TTK: variants seen among roughly 807,000 people sequenced by gnomAD.
The protein encoded by TTK is dual specificity protein kinase TTK.
Under a neutral mutation model 117.3 loss-of-function variants are expected in TTK, and 59 were observed. The observed-to-expected ratio is 0.50, with a 90% CI of 0.41 to 0.62. The LOEUF (loss-of-function observed/expected upper bound fraction) is 0.62. TTK is among the 20% of genes least tolerant of loss of function. The probability of loss-of-function intolerance (pLI) is 0.00; values close to 1 mark genes in which losing one functional copy is unlikely to be tolerated. For missense variants in TTK, 921 were observed against 989.4 expected, an observed-to-expected ratio of 0.93 and a Z score of 0.93; for synonymous variants, 302 against 325.0, an observed-to-expected ratio of 0.93 and a Z score of 0.76.
chr6:80,011,355 A>G (rs1767143118), intron 5 of TTK, 79 bp from the exon 6 acceptor site: 1 of 999,766 alleles, frequency 1.0e-6, no homozygotes, highest in Admixed American at 3.0e-5. Flanking sequence ...GACTTTTAAA[A>G]TATTCTTATT....
At chr6:80,030,063 C>G (rs2127679845) in intron 13 of TTK, among the ~76,000 whole-genome samples, 1 of 152,262 alleles carries the variant, frequency 6.6e-6, no homozygotes, top group South Asian at 2.1e-4. Context: ...CAATGTATCT[C>G]AATCCTAGAG....
intron 11 of TTK, among the ~76,000 whole-genome samples, chr6:80,023,106 C>A (rs1201023764): frequency 6.6e-6 from 1 of 152,176 alleles, no homozygotes; most frequent in African/African-American, 2.4e-5. Flanking sequence ...AGTTTCCTTA[C>A]CATTTCTTTT....
At chr6:80,037,112 G>A (rs1427352958) in intron 17 of TTK, among the ~76,000 whole-genome samples, 1 of 151,990 alleles carries the variant, frequency 6.6e-6, no homozygotes, top group African/African-American at 2.4e-5. Flanking sequence ...ACTAAAAGAC[G>A]TTGTTCTATA....
At chr6:80,039,571 CATA>C (rs1767991711) in intron 18 of TTK, 122 bp from the exon 19 acceptor site, 2 of 617,232 alleles carry the variant, frequency 3.2e-6, no homozygotes, top group South Asian at 1.2e-4. Context: ...GTCATGTTAA[CATA>C]ATGTAGTACA....
intron 2 of TTK, among the ~76,000 whole-genome samples, chr6:80,006,515 C>A (rs13195312): frequency 0.01 from 1,594 of 152,162 alleles, 11 homozygotes; most frequent in Non-Finnish European, 0.017. Flanking sequence ...GGTTGTACAT[C>A]AAGGCAATTG....
intron 12 of TTK, 68 bp from the exon 13 acceptor site, chr6:80,027,817 A>C: frequency 7.9e-7 from 1 of 1,272,066 alleles, no homozygotes. Context: ...TCTAAAATAC[A>C]TGAAACTGAA....
intron 11 of TTK, 42 bp from the exon 12 acceptor site, chr6:80,026,336 T>C: frequency 6.3e-7 from 1 of 1,578,974 alleles, no homozygotes; most frequent in African/African-American, 1.4e-5. Flanking sequence ...AACAGGCAAC[T>C]AATTTAAAAA....
rs1486001128 is a variant in TTK, at chr6:80,026,572, C to G, written c.1394+58C>G. 2.2e-5 allele frequency: 35 copies of G among 1,590,124 alleles called. No individual in the cohort carries two copies. In the Admixed American group the frequency reaches 6.5e-4, roughly 29 times the overall value. The stretch of plus-strand genomic sequence containing the variant: ...GGTGGTATGATAGAATTAACATGGG[C>G]TTCTGGGCCAAATAAATCTGGGATT... On this transcript the variant is annotated intron_variant, in intron 12 of 21. Transcript: ENST00000369798.
intron 10 of TTK, among the ~76,000 whole-genome samples, chr6:80,015,488 CA>C (rs1767282405): frequency 6.6e-6 from 1 of 152,202 alleles, no homozygotes; most frequent in East Asian, 1.9e-4. Context: ...GACTTTGGGA[CA>C]AAGTGAGGCT....
intron 10 of TTK, among the ~76,000 whole-genome samples, chr6:80,018,918 A>T (rs1401358440): frequency 6.6e-6 from 1 of 152,048 alleles, no homozygotes; most frequent in Non-Finnish European, 1.5e-5. Flanking sequence ...GTTGAATTTT[A>T]TCAGATGTTT....
At chr6:80,028,250 C>G (rs1042470658) in intron 13 of TTK, among the ~76,000 whole-genome samples, 1 of 151,912 alleles carries the variant, frequency 6.6e-6, no homozygotes, top group Admixed American at 6.6e-5. Flanking sequence ...GTTTGAATAG[C>G]TGGATAAAAT....
intron 10 of TTK, among the ~76,000 whole-genome samples, chr6:80,014,974 A>G (rs1582093027): frequency 6.6e-6 from 1 of 152,174 alleles, no homozygotes; most frequent in South Asian, 2.1e-4. Context: ...TGGATAAAAC[A>G]GTGTCCCAAG....
chr6:80,014,978 T>C (rs1359967237), intron 10 of TTK, among the ~76,000 whole-genome samples: 1 of 152,082 alleles, frequency 6.6e-6, no homozygotes, highest in Non-Finnish European at 1.5e-5. Flanking sequence ...TAAAACAGTG[T>C]CCCAAGGAGG....
rs746866065 is a variant in TTK, at chr6:80,008,506, G to C, written c.469+14G>C. On this transcript the variant is annotated intron_variant, in intron 4 of 21. Coordinates refer to ENST00000369798, the MANE Select transcript of TTK (RefSeq NM_003318.5). ...AACTGTCACAAGGTAATCTGAAAAT[G>C]TCAAATTCAAATTTTAAGTAAAGGA... 1.9e-6 allele frequency: 3 copies of C among 1,587,670 alleles called. No homozygotes were observed. The South Asian group carries it at 3.5e-5, about 18-fold the overall frequency.
chr6:80,038,145 A>G, intron 18 of TTK, 98 bp downstream of exon 18: 2 of 810,204 alleles, frequency 2.5e-6, no homozygotes, highest in Non-Finnish European at 3.6e-6. Context: ...TTTAAGTTCT[A>G]AAACTTTTTA....
intron 1 of TTK, among the ~76,000 whole-genome samples, chr6:80,005,437 C>A (rs1214691179): frequency 2.6e-5 from 4 of 152,144 alleles, no homozygotes; most frequent in Non-Finnish European, 4.4e-5. Context: ...GTAAAGCAGG[C>A]GAATAAAGGA....
At chr6:80,033,995 T>G (rs564494719) in intron 14 of TTK, among the ~76,000 whole-genome samples, 1 of 152,148 alleles carries the variant, frequency 6.6e-6, no homozygotes, top group Non-Finnish European at 1.5e-5. Context: ...TTTTAACATT[T>G]TTTTCCTTGG....
At chr6:80,040,574 T>G (rs899474942) in intron 20 of TTK, 32 bp from the exon 21 acceptor site, 6 of 1,571,648 alleles carry the variant, frequency 3.8e-6, no homozygotes. Flanking sequence ...TTTTTCTTAC[T>G]GGTACTAGTG....
intron 4 of TTK, among the ~76,000 whole-genome samples, chr6:80,009,094 T>G (rs1395764092): frequency 6.6e-6 from 1 of 152,072 alleles, no homozygotes; most frequent in Admixed American, 6.6e-5. Flanking sequence ...CTAAGACATT[T>G]TTAACCTGGC....
Sources: gnomAD v4.1 joint callset for allele counts (sites outside exome capture counted in the v4.1 genomes callset) on GRCh38, gnomAD v4.1.1 for gene constraint, MANE v1.5 for transcripts, NCBI Gene and HGNC (gene_info 2026-07-23, HGNC 2026-07-21) for gene names.